PLXDC1: variants seen among roughly 807,000 people sequenced by gnomAD.
The protein encoded by PLXDC1 is plexin domain-containing protein 1.
Under a neutral mutation model 61.3 loss-of-function variants are expected in PLXDC1, and 39 were observed. The ratio of observed to expected loss-of-function variants is 0.64; its 90% CI spans 0.49 to 0.83. The LOEUF is 0.83. Among genes scored for constraint, PLXDC1 ranks in the 40% least tolerant of loss-of-function variants. The probability of loss-of-function intolerance (pLI) is 0.00; values close to 1 mark genes in which losing one functional copy is unlikely to be tolerated. For synonymous variants in PLXDC1, 212 were observed against 254.5 expected, an observed-to-expected ratio of 0.83 and a Z score of 1.59; for missense variants, 596 against 666.5, an observed-to-expected ratio of 0.89 and a Z score of 1.17.
chr17:39,072,099 T>A (rs1909141366), intron 12 of PLXDC1: 1 of 321,016 alleles, frequency 3.1e-6, no homozygotes, highest in Non-Finnish European at 5.9e-6. Context: ...CCCATGGGGA[T>A]CAGAGGGGAT....
At chr17:39,114,553 C>T (rs925274420) in intron 2 of PLXDC1, among the ~76,000 whole-genome samples, 3 of 152,162 alleles carry the variant, frequency 2.0e-5, no homozygotes, top group African/African-American at 2.4e-5. Flanking sequence ...GATCGTAAGA[C>T]CCCAAGAGTA....
upstream of PLXDC1, chr17:39,152,538 T>C (rs1054649128): frequency 7.2e-6 from 9 of 1,243,802 alleles, no homozygotes; most frequent in South Asian, 3.5e-5. Context: ...TTCCCTCCCC[T>C]GACCTACTTC....
intron 1 of PLXDC1, among the ~76,000 whole-genome samples, chr17:39,148,370 A>AT: frequency 6.6e-6 from 1 of 151,666 alleles, no homozygotes; most frequent in East Asian, 1.9e-4. Context: ...TGCCCAGCTA[A>AT]TTTTTTATTT....
At chr17:39,146,010 G>C (rs183645443) in intron 1 of PLXDC1, among the ~76,000 whole-genome samples, 3 of 152,004 alleles carry the variant, frequency 2.0e-5, no homozygotes, top group Non-Finnish European at 4.4e-5. Context: ...TTACATGCCG[G>C]GTTCTGGGCA....
At chr17:39,126,981 A>G (rs1227244180) in intron 2 of PLXDC1, 1 of 152,196 alleles carries the variant, frequency 6.6e-6, no homozygotes, top group Non-Finnish European at 1.5e-5. Context: ...AGGCACTGCC[A>G]GTGCTGCCGG....
chr17:39,107,990 G>T, intron 5 of PLXDC1, 133 bp downstream of exon 5: 2 of 1,122,946 alleles, frequency 1.8e-6, no homozygotes, highest in East Asian at 2.4e-5. Context: ...AGGAAACTGA[G>T]CAGAGAAAGG....
chr17:39,128,047 CTCTCTCTCTCTCTCTCTCTG>C (rs1911366241), intron 2 of PLXDC1, among the ~76,000 whole-genome samples: 1 of 32,820 alleles, frequency 3.0e-5, no homozygotes, highest in Non-Finnish European at 5.7e-5. Context: ...TAGGACAGCT[CTCTCTCTCTCTCTCTCTCTG>C]TCTCTCTCTC....
At chr17:39,146,509 TCTA>T (rs1741397036) in intron 1 of PLXDC1, among the ~76,000 whole-genome samples, 1 of 152,016 alleles carries the variant, frequency 6.6e-6, no homozygotes, top group Non-Finnish European at 1.5e-5. Context: ...AGACCCCATC[TCTA>T]CTAAAATTTT....
chr17:39,076,377 G>A (rs1480164863), intron 11 of PLXDC1, among the ~76,000 whole-genome samples: 1 of 151,674 alleles, frequency 6.6e-6, no homozygotes, highest in East Asian at 2.0e-4. Context: ...CAGGTATGGT[G>A]GTACATGCCT....
intron 11 of PLXDC1, among the ~76,000 whole-genome samples, chr17:39,074,153 C>T (rs1397626853): frequency 1.3e-5 from 2 of 152,154 alleles, no homozygotes; most frequent in Non-Finnish European, 2.9e-5. Context: ...AGGAGAGTGA[C>T]TCAAACTCTC....
chr17:39,133,311 A>C (rs1228830599), intron 2 of PLXDC1, among the ~76,000 whole-genome samples: 1 of 152,058 alleles, frequency 6.6e-6, no homozygotes, highest in Non-Finnish European at 1.5e-5. Flanking sequence ...GTATGGAGCC[A>C]CCTGAGTCTC....
chr17:39,125,043 C>A (rs1911275026), intron 2 of PLXDC1, among the ~76,000 whole-genome samples: 1 of 152,202 alleles, frequency 6.6e-6, no homozygotes, highest in Non-Finnish European at 1.5e-5. Flanking sequence ...TCTCAAACTC[C>A]TGGGCTCAAG....
intron 2 of PLXDC1, among the ~76,000 whole-genome samples, chr17:39,135,625 CGA>C (rs1911722524): frequency 6.7e-6 from 1 of 150,170 alleles, no homozygotes; most frequent in South Asian, 2.1e-4. Flanking sequence ...TTCAGTAAAC[CGA>C]GAGATTACAC....
At chr17:39,139,864 G>A in intron 1 of PLXDC1, 32 bp from the exon 2 acceptor site, 1 of 1,570,474 alleles carries the variant, frequency 6.4e-7, no homozygotes, top group Non-Finnish European at 8.7e-7. Flanking sequence ...CTGAGTGCCA[G>A]CAGTCCGGAA....
chr17:39,142,462 TG>T (rs1035386517), intron 1 of PLXDC1, among the ~76,000 whole-genome samples: 10 of 152,234 alleles, frequency 6.6e-5, no homozygotes, highest in Admixed American at 5.2e-4. Flanking sequence ...CCTCCATTTC[TG>T]GAGGTTGCGA....
rs572490810 is a variant in PLXDC1, at chr17:39,099,946, G to A, written c.811+5908C>T. Among the ~76,000 whole-genome samples the A allele has an allele frequency of 5.3e-5, 8 of 152,116 alleles. No homozygotes were observed. The South Asian group carries it at 6.2e-4, about 12-fold the overall frequency. ...GATCTGTGACTTGGTTCTAGCCAGCGGAATGTGGCAAAAAAGATAGGATGT... is the reference window on the plus strand; with the variant it reads ...GATCTGTGACTTGGTTCTAGCCAGCAGAATGTGGCAAAAAAGATAGGATGT... On this transcript the variant is annotated intron_variant, in intron 7 of 13. Transcript: ENST00000315392.
chr17:39,086,660 A>G (rs972757642), intron 8 of PLXDC1, among the ~76,000 whole-genome samples: 1 of 151,990 alleles, frequency 6.6e-6, no homozygotes, highest in Non-Finnish European at 1.5e-5. Flanking sequence ...TCAGGAGTTC[A>G]AAACCAGCCT....
chr17:39,130,181 G>A (rs147751615), intron 2 of PLXDC1, among the ~76,000 whole-genome samples: 8 of 152,238 alleles, frequency 5.3e-5, no homozygotes, highest in East Asian at 1.9e-4. Flanking sequence ...GGCCAGGCAC[G>A]GTGGCTCATG....
intron 2 of PLXDC1, among the ~76,000 whole-genome samples, chr17:39,131,359 C>CT (rs940382187): frequency 1.9e-5 from 2 of 103,968 alleles, no homozygotes; most frequent in Admixed American, 1.0e-4. Context: ...TTTTTCTTTT[C>CT]TTTTTTTTTT....
Sources: allele counts gnomAD v4.1 joint callset (sites outside exome capture counted in the v4.1 genomes callset), GRCh38; gene constraint gnomAD v4.1.1; transcripts MANE v1.5; gene names NCBI Gene and HGNC (gene_info 2026-07-23, HGNC 2026-07-21).